Variants in CDH13 observed in about 807,000 individuals in gnomAD.
CDH13 encodes cadherin 13.
A neutral mutation model predicts 63.8 loss-of-function variants in CDH13; 24 were observed. That is an observed-to-expected ratio of 0.38 (90% confidence interval 0.27 to 0.53). The LOEUF is 0.53. Ranked by LOEUF, CDH13 falls within the 20% of genes least tolerant of loss-of-function variation. CDH13 has a pLI of 0.85. For synonymous variants in CDH13, 503 were observed against 355.3 expected, an observed-to-expected ratio of 1.42 and a Z score of -4.67; for missense variants, 1,049 against 903.1, an observed-to-expected ratio of 1.16 and a Z score of -2.07.
chr16:83,715,231 G>A (rs558015139), intron 10 of CDH13, among the ~76,000 whole-genome samples: 1 of 152,280 alleles, frequency 6.6e-6, no homozygotes, highest in South Asian at 2.1e-4. Context: ...ACATAGTGCA[G>A]AGTTACTTAT....
intron 6 of CDH13, among the ~76,000 whole-genome samples, chr16:83,358,700 G>T (rs2091102857): frequency 6.6e-6 from 1 of 152,082 alleles, no homozygotes; most frequent in Admixed American, 6.5e-5. Context: ...TTACACCTCT[G>T]TATGCCTTTC....
intron 10 of CDH13, among the ~76,000 whole-genome samples, chr16:83,697,371 T>C (rs144959012): frequency 5.9e-5 from 9 of 152,324 alleles, no homozygotes; most frequent in Middle Eastern, 3.4e-3. Flanking sequence ...GCAATTTTGC[T>C]GTTTGAAATG....
intron 2 of CDH13, among the ~76,000 whole-genome samples, chr16:82,997,366 G>A (rs1209990643): frequency 6.6e-6 from 1 of 152,188 alleles, no homozygotes; most frequent in African/African-American, 2.4e-5. Flanking sequence ...GCTAGGACTA[G>A]AGTGAGGTGA....
intron 2 of CDH13, among the ~76,000 whole-genome samples, chr16:82,891,183 G>A (rs1168445998): frequency 6.6e-6 from 1 of 152,010 alleles, no homozygotes; most frequent in Admixed American, 6.6e-5. Flanking sequence ...TCTGTAAGAG[G>A]CTCTGAATAA....
chr16:83,774,195 C>T (rs557026054), intron 11 of CDH13, among the ~76,000 whole-genome samples: 46 of 152,332 alleles, frequency 3.0e-4, no homozygotes, highest in Non-Finnish European at 5.3e-4. Flanking sequence ...GTCCCAGCGC[C>T]TATCCTGCCT....
intron 2 of CDH13, among the ~76,000 whole-genome samples, chr16:82,962,123 A>G (rs891460994): frequency 3.3e-5 from 5 of 152,222 alleles, no homozygotes; most frequent in African/African-American, 1.2e-4. Flanking sequence ...TTGCAGAGGT[A>G]ATTAAGTTGG....
chr16:83,426,898 T>G (rs540092584), intron 6 of CDH13, among the ~76,000 whole-genome samples: 1 of 143,574 alleles, frequency 7.0e-6, no homozygotes, highest in African/African-American at 2.7e-5. Context: ...TCTATAAATA[T>G]GTTTCTTTCT....
chr16:82,858,435 A>T lies in CDH13; in HGVS notation c.119A>T (p.Gln40Leu), dbSNP rs2039792957. The change falls in exon 2 of 14, where the codon CAG becomes CTG. Residue 40 changes from glutamine to leucine, a missense_variant. By Grantham distance (113) the Gln-to-Leu change is moderately radical. Coordinates refer to ENST00000567109, the MANE Select transcript of CDH13 (RefSeq NM_001257.5). ...GFQQKVFHIN[Q>L]PAEFIEDQSI... ...CAGCAGAAAGTGTTCCATATCAATC[A>T]GCCAGCTGAATTCATTGAGGACCAG... 1.2e-6 allele frequency: 2 copies of T among 1,613,384 alleles called. No individual in the cohort carries two copies. Among genetic ancestry groups the T allele is most frequent in the Non-Finnish European group, 1.7e-6 (2 of 1,179,410 alleles).
chr16:83,010,533 C>G (rs927021647), intron 2 of CDH13, among the ~76,000 whole-genome samples: 1 of 152,130 alleles, frequency 6.6e-6, no homozygotes, highest in South Asian at 2.1e-4. Context: ...GAACCCCACT[C>G]ATTCACACAC....
At chr16:82,809,665 A>G (rs1393500702) in intron 1 of CDH13, among the ~76,000 whole-genome samples, 1 of 152,124 alleles carries the variant, frequency 6.6e-6, no homozygotes, top group Non-Finnish European at 1.5e-5. Flanking sequence ...ACATAAAGGT[A>G]TTAAAGTGAT....
intron 4 of CDH13, among the ~76,000 whole-genome samples, chr16:83,188,069 A>G (rs1042886369): frequency 1.3e-5 from 2 of 152,122 alleles, no homozygotes; most frequent in African/African-American, 4.8e-5. Flanking sequence ...GATAGGAGAA[A>G]AGCTGTGACC....
At chr16:83,259,116 C>T (rs955647194) in intron 5 of CDH13, among the ~76,000 whole-genome samples, 1 of 152,274 alleles carries the variant, frequency 6.6e-6, no homozygotes, top group Non-Finnish European at 1.5e-5. Flanking sequence ...AGGGAACCTC[C>T]TGCTGCTCAT....
intron 3 of CDH13, among the ~76,000 whole-genome samples, chr16:83,123,997 C>T (rs12445192): frequency 0.41 from 62,127 of 152,002 alleles, 14,473 homozygotes; most frequent in Admixed American, 0.54. Flanking sequence ...GCCCGTCGTA[C>T]GTGTCCTTTT....
chr16:83,457,280 G>A (rs1167579049), intron 6 of CDH13, among the ~76,000 whole-genome samples: 1 of 152,124 alleles, frequency 6.6e-6, no homozygotes, highest in Non-Finnish European at 1.5e-5. Context: ...GGCTTTAAGC[G>A]TTTGATAAAC....
chr16:83,262,049 C>G (rs892028473), intron 5 of CDH13, among the ~76,000 whole-genome samples: 1 of 152,134 alleles, frequency 6.6e-6, no homozygotes, highest in African/African-American at 2.4e-5. Flanking sequence ...GCTGTCTTCA[C>G]GCTGGCACAC....
intron 3 of CDH13, among the ~76,000 whole-genome samples, chr16:83,073,551 C>T (rs1340249289): frequency 6.6e-6 from 1 of 151,990 alleles, no homozygotes; most frequent in Non-Finnish European, 1.5e-5. Context: ...CCTGTGAGCC[C>T]TCCCTAAAAC....
At chr16:83,299,221 A>G (rs541034803) in intron 5 of CDH13, among the ~76,000 whole-genome samples, 1 of 151,974 alleles carries the variant, frequency 6.6e-6, no homozygotes, top group Non-Finnish European at 1.5e-5. Flanking sequence ...AAGATACCAC[A>G]GTGTGGATGT....
chr16:83,132,703 C>T (rs747643087), intron 4 of CDH13, among the ~76,000 whole-genome samples: 1 of 152,110 alleles, frequency 6.6e-6, no homozygotes, highest in Admixed American at 6.5e-5. Flanking sequence ...GTGGGGATTA[C>T]AAGCATGAGC....
intron 7 of CDH13, among the ~76,000 whole-genome samples, chr16:83,498,681 C>A (rs985240585): frequency 1.2e-4 from 18 of 152,206 alleles, no homozygotes; most frequent in Non-Finnish European, 7.3e-5. Flanking sequence ...AAAGCCCATG[C>A]ATTTTTTCTC....
Sources: gnomAD v4.1 joint callset for allele counts (sites outside exome capture counted in the v4.1 genomes callset) on GRCh38, gnomAD v4.1.1 for gene constraint, MANE v1.5 for transcripts, NCBI Gene and HGNC (gene_info 2026-07-23, HGNC 2026-07-21) for gene names.